ADCY3: variants seen among roughly 807,000 people sequenced by gnomAD.
ADCY3 encodes adenylate cyclase 3.
Under a neutral mutation model 119.4 loss-of-function variants are expected in ADCY3, and 70 were observed. The ratio of observed to expected loss-of-function variants is 0.59; its 90% CI spans 0.48 to 0.72. The LOEUF is 0.72. ADCY3 is among the 30% of genes least tolerant of loss of function. The pLI is 0.00. For missense variants in ADCY3, 1,238 were observed against 1,541.6 expected, an observed-to-expected ratio of 0.80 and a Z score of 3.30; for synonymous variants, 672 against 621.4, an observed-to-expected ratio of 1.08 and a Z score of -1.21.
chr2:24,822,352 C>G, intron 19 of ADCY3, 159 bp downstream of exon 19: 1 of 1,086,956 alleles, frequency 9.2e-7, no homozygotes, highest in Non-Finnish European at 1.3e-6. Flanking sequence ...CGAACTTTCT[C>G]AATAAACCCT....
chr2:24,838,100 G>A (rs1247897827), intron 8 of ADCY3, among the ~76,000 whole-genome samples: 4 of 113,438 alleles, frequency 3.5e-5, no homozygotes, highest in Middle Eastern at 5.0e-3. Flanking sequence ...GAGCATCCAC[G>A]TCACTCCTGT....
intron 20 of ADCY3, chr2:24,821,136 G>A (rs1000277142): frequency 8.9e-6 from 4 of 448,102 alleles, no homozygotes; most frequent in African/African-American, 8.0e-5. Flanking sequence ...CCTCACTCAG[G>A]AATGATACCC....
Position 24,841,804 on chromosome 2 carries a change from T to G in ADCY3, c.957-137A>C. The G allele has an allele frequency of 1.5e-6, 1 of 664,262 alleles. No homozygotes were observed. Among genetic ancestry groups the G allele is most frequent in the East Asian group, 2.7e-5 (1 of 36,664 alleles). The allele number at this position is 664,262 out of a possible 1,614,324, so 41.1% of individuals were successfully genotyped here. ...GTCCTCCCTCACGACCCCCAGACAG[T>G]GAGACCCTGACCCTTCCAGGTAAAG... On this transcript the variant is annotated intron_variant, in intron 4 of 21. Transcript: ENST00000679454. The surrounding 1 kb of genome is among the most constrained non-coding windows in gnomAD (Gnocchi z 5.8).
In ADCY3 at chr2:24,834,406, C is replaced by G; in HGVS notation, c.1967+79G>C. ...CTTGCTCCCCAATGTCAGGCTCCCG[C>G]TGAGACACCTGCCCCCGCCCCCCGC... On this transcript the variant is annotated intron_variant, in intron 11 of 21. Transcript: ENST00000679454. The surrounding 1 kb of genome is among the most constrained non-coding windows in gnomAD (Gnocchi z 4.2). The G allele has an allele frequency of 7.6e-7, 1 of 1,310,256 alleles. No homozygotes were observed. The allele number at this position is 1,310,256 out of a possible 1,614,324, so 81.2% of individuals were successfully genotyped here. A position where few individuals can be genotyped will look rare whatever the true frequency, so the allele number is the denominator to read the frequency against.
Position 24,862,031 on chromosome 2 carries a change from C to T in ADCY3, c.825+10539G>A, listed in dbSNP as rs561035653. 1.9e-3 allele frequency among the ~76,000 whole-genome samples: 284 copies of T among 152,346 alleles called. 2 individuals carry two copies. Among genetic ancestry groups the T allele is most frequent in the African/African-American group, 6.4e-3 (264 of 41,574 alleles). On this transcript the variant is annotated intron_variant, in intron 3 of 21. Transcript: ENST00000679454. ...CAACACCACACAGAGAAAGCCAGGGCTCACAGTCCCCCAAAAACGCTGGCA... is the reference window on the plus strand; with the variant it reads ...CAACACCACACAGAGAAAGCCAGGGTTCACAGTCCCCCAAAAACGCTGGCA...
chr2:24,887,159 C>T (rs1446168577), intron 2 of ADCY3, among the ~76,000 whole-genome samples: 2 of 152,178 alleles, frequency 1.3e-5, no homozygotes. Flanking sequence ...AAAACACCTC[C>T]TTCACAAAGC....
intron 2 of ADCY3, among the ~76,000 whole-genome samples, chr2:24,873,520 G>A (rs1675281333): frequency 6.6e-6 from 1 of 152,140 alleles, no homozygotes; most frequent in Admixed American, 6.5e-5. Context: ...AGGTGTCCTG[G>A]CCCACTTCCA....
In ADCY3 at chr2:24,880,754, G is replaced by A. The variant is rs192318692; in HGVS notation, c.676-8035C>T. On this transcript the variant is annotated intron_variant, in intron 2 of 21. Coordinates refer to ENST00000679454, the MANE Select transcript of ADCY3 (RefSeq NM_004036.5). Reference sequence around the variant, plus strand: ...CTTCCAGCTGGGCATGGTGGCTCACGCCTGTAATCTCAGCACTTTGGGAGG... The same window carrying A: ...CTTCCAGCTGGGCATGGTGGCTCACACCTGTAATCTCAGCACTTTGGGAGG... Among the ~76,000 whole-genome samples the A allele has an allele frequency of 2.9e-3, 441 of 152,266 alleles. 2 individuals carry two copies. The highest frequency in any genetic ancestry group is 9.9e-3 in the African/African-American group (412 of 41,544).
intron 12 of ADCY3, among the ~76,000 whole-genome samples, chr2:24,831,392 G>A (rs753529): frequency 0.52 from 78,943 of 151,984 alleles, 21,509 homozygotes; most frequent in Admixed American, 0.66. Flanking sequence ...AGACTCTGCC[G>A]TACTCATACG....
chr2:24,866,856 A>G (rs894458653), intron 3 of ADCY3, among the ~76,000 whole-genome samples: 1 of 152,204 alleles, frequency 6.6e-6, no homozygotes, highest in African/African-American at 2.4e-5. Flanking sequence ...CAGGATTAGT[A>G]AACTGTAGAT....
intron 9 of ADCY3, among the ~76,000 whole-genome samples, chr2:24,836,427 G>A (rs1670339322): frequency 6.6e-6 from 1 of 152,228 alleles, no homozygotes; most frequent in African/African-American, 2.4e-5. Flanking sequence ...ACGCCCTGCG[G>A]TCAGGGACCA....
In ADCY3 at chr2:24,834,941, G is replaced by A. The variant is rs188231295; in HGVS notation, c.1663-5C>T. 26 of 1,612,656 alleles carry A rather than the reference G, an allele frequency of 1.6e-5. No homozygotes were observed. In the Admixed American group the frequency reaches 2.3e-4, roughly 14 times the overall value. On this transcript the variant is annotated splice_region_variant and splice_polypyrimidine_tract_variant and intron_variant, in intron 9 of 21. Transcript: ENST00000679454. This position sits in a 1 kb window ranked among gnomAD's most constrained non-coding sequence, Gnocchi z 4.2. Reference sequence around the variant, plus strand: ...GGGGAATGAGGGGTTGTCGGCCTGTGAGCCAGGGAGGCAGCGTGAGTGGGG... The same window carrying A: ...GGGGAATGAGGGGTTGTCGGCCTGTAAGCCAGGGAGGCAGCGTGAGTGGGG...
intron 2 of ADCY3, among the ~76,000 whole-genome samples, chr2:24,896,497 T>C (rs540141999): frequency 8.1e-4 from 123 of 152,278 alleles, no homozygotes; most frequent in Non-Finnish European, 7.4e-4. Flanking sequence ...TCAGTCACAT[T>C]TCCTTCTTTG....
At chr2:24,833,432 ATAT>A (rs562253470) in intron 11 of ADCY3, among the ~76,000 whole-genome samples, 153 of 152,292 alleles carry the variant, frequency 1.0e-3, no homozygotes, top group African/African-American at 3.5e-3. Flanking sequence ...CGTTACTGAA[ATAT>A]TATCCTGCCA....
At chr2:24,908,204 C>T (rs889612983) in intron 2 of ADCY3, among the ~76,000 whole-genome samples, 1 of 151,826 alleles carries the variant, frequency 6.6e-6, no homozygotes, top group Non-Finnish European at 1.5e-5. Context: ...TGCCTGTAAC[C>T]CCAGCTACTC....
intron 6 of ADCY3, chr2:24,840,597 A>G: frequency 2.2e-6 from 1 of 461,262 alleles, no homozygotes. Context: ...CCTGGACTCC[A>G]TCCCATGGGG....
chr2:24,900,443 TG>T (rs895639833), intron 2 of ADCY3, among the ~76,000 whole-genome samples: 1 of 151,820 alleles, frequency 6.6e-6, no homozygotes, highest in African/African-American at 2.4e-5. Context: ...TTTCCAGAAA[TG>T]GGGGGGCCAT....
intron 2 of ADCY3, among the ~76,000 whole-genome samples, chr2:24,909,987 T>C (rs1663380176): frequency 6.6e-6 from 1 of 152,174 alleles, no homozygotes; most frequent in Non-Finnish European, 1.5e-5. Context: ...AAGCCCAAGT[T>C]AGCCACATGG....
In ADCY3 at chr2:24,838,473, G is replaced by C; in HGVS notation, c.1505C>G (p.Thr502Arg). The stretch of plus-strand genomic sequence containing the variant: ...GCCATTGAGGCCATTCTGGGTGGCT[G>C]TTTTCTTCACCTCTGGCTTGGAGGC... ...IIASKPEVKKTATQNGLNGSA... is the reference protein window; with the variant it reads ...IIASKPEVKKRATQNGLNGSA... Residue 502 changes from threonine (T) to arginine (R), a missense_variant, in exon 8 of 22, where the codon ACA becomes AGA. By Grantham distance (71) the Thr-to-Arg change is moderately conservative (BLOSUM62 -1). Transcript: ENST00000679454. 6.2e-7 allele frequency: 1 copy of C among 1,613,674 alleles called. No homozygotes were observed. The highest frequency in any genetic ancestry group is 1.1e-5 in the South Asian group (1 of 91,052).
Sources: gnomAD v4.1 joint callset for allele counts (sites outside exome capture counted in the v4.1 genomes callset) on GRCh38, gnomAD v4.1.1 for gene constraint, Gnocchi (gnomAD v3.1) non-coding constraint, MANE v1.5 for transcripts, NCBI Gene and HGNC (gene_info 2026-07-23, HGNC 2026-07-21) for gene names.